TANC2: variants seen among roughly 807,000 people sequenced by gnomAD.
TANC2 encodes tetratricopeptide repeat, ankyrin repeat and coiled-coil containing 2.
In TANC2, 26 loss-of-function variants were observed where a neutral mutation model predicts 210.5. That is an observed-to-expected ratio of 0.12 (90% CI 0.09 to 0.17). TANC2 has a LOEUF of 0.17. TANC2 is among the 10% of genes least tolerant of loss of function. The probability of loss-of-function intolerance (pLI) is 1.00; values close to 1 mark genes in which losing one functional copy is unlikely to be tolerated. For missense variants in TANC2, 2,129 were observed against 2,608.9 expected (o/e 0.82, Z 4.01); for synonymous variants, 931 against 967.1 (o/e 0.96, Z 0.69).
chr17:63,377,734 C>A (rs1309895650), intron 14 of TANC2, among the ~76,000 whole-genome samples: 2 of 152,168 alleles, frequency 1.3e-5, no homozygotes, highest in Non-Finnish European at 2.9e-5. Context: ...CTACTCTCTG[C>A]AGTACCAACT....
intron 12 of TANC2, among the ~76,000 whole-genome samples, chr17:63,344,771 AC>A (rs1213005681): frequency 6.6e-6 from 1 of 152,212 alleles, no homozygotes; most frequent in Admixed American, 6.5e-5. Flanking sequence ...CATTACTTCC[AC>A]TAATAGTTCA....
At position 62,999,814 on chromosome 17, in the gene TANC2, T is replaced by C. The variant is rs75564027; in HGVS notation, c.-23-9723T>C. Among the ~76,000 whole-genome samples the C allele has an allele frequency of 9.6e-3, 1,467 of 152,312 alleles. 9 individuals are homozygous for C. The highest frequency in any genetic ancestry group is 0.014 in the Non-Finnish European group (946 of 68,024). On this transcript the variant is annotated intron_variant, in intron 1 of 27. Coordinates refer to ENST00000689528, the Ensembl canonical transcript of TANC2. ...ATGTTCATCATAGCTCTGTTCACAA[T>C]AGCAACATCATGAAATCAACCTAAA...
At chr17:63,152,439 G>A (rs1396850909) in intron 5 of TANC2, 1 of 152,066 alleles carries the variant, frequency 6.6e-6, no homozygotes, top group African/African-American at 2.4e-5. Flanking sequence ...TTTGAATACT[G>A]AAAGACCTTG....
chr17:63,151,995 G>A (rs975649802), intron 5 of TANC2: 3 of 152,148 alleles, frequency 2.0e-5, no homozygotes, highest in African/African-American at 7.2e-5. Flanking sequence ...GAGCCAAACT[G>A]AGAAAGACTC....
intron 7 of TANC2, among the ~76,000 whole-genome samples, chr17:63,234,104 CTAA>C (rs2042553916): frequency 6.6e-6 from 1 of 152,310 alleles, no homozygotes; most frequent in African/African-American, 2.4e-5. Context: ...TTCTCAAGAG[CTAA>C]TAGTTCAGTA....
At chr17:63,060,449 C>T (rs1057166473) in intron 2 of TANC2, among the ~76,000 whole-genome samples, 1 of 152,120 alleles carries the variant, frequency 6.6e-6, no homozygotes, top group South Asian at 2.1e-4. Flanking sequence ...GGTGAAACCC[C>T]GTCTATACCA....
At chr17:63,368,059 A>G (rs187634528) in intron 14 of TANC2, among the ~76,000 whole-genome samples, 1 of 152,306 alleles carries the variant, frequency 6.6e-6, no homozygotes, top group East Asian at 1.9e-4. Flanking sequence ...CTATAACAGG[A>G]GAATAGAGAG....
chr17:63,365,099 C>G (rs948265065), intron 14 of TANC2, among the ~76,000 whole-genome samples: 2 of 152,150 alleles, frequency 1.3e-5, no homozygotes, highest in African/African-American at 4.8e-5. Flanking sequence ...ACAAGTTTTC[C>G]TAGGTTGTCA....
intron 18 of TANC2, chr17:63,396,774 C>T (rs2048175522): frequency 4.0e-5 from 6 of 151,868 alleles, no homozygotes; most frequent in Admixed American, 3.3e-4. Context: ...ACATTGAGTA[C>T]CTATGGACAT....
chr17:63,090,145 C>T (rs1472351003), intron 3 of TANC2, among the ~76,000 whole-genome samples: 1 of 151,900 alleles, frequency 6.6e-6, no homozygotes, highest in Non-Finnish European at 1.5e-5. Context: ...ATAGTATTTC[C>T]CAGAATATTC....
intron 2 of TANC2, among the ~76,000 whole-genome samples, chr17:63,045,865 T>C (rs1439942250): frequency 6.6e-6 from 1 of 152,124 alleles, no homozygotes; most frequent in Non-Finnish European, 1.5e-5. Flanking sequence ...GGTCTTGAAC[T>C]CCTGGGCTCA....
intron 4 of TANC2, among the ~76,000 whole-genome samples, chr17:63,105,338 A>G (rs2037785492): frequency 6.6e-6 from 1 of 151,788 alleles, no homozygotes; most frequent in Admixed American, 6.6e-5. Context: ...GATGCTAGCT[A>G]TGGCCAAAGC....
chr17:63,090,405 T>C (rs2037141056), intron 3 of TANC2, among the ~76,000 whole-genome samples: 1 of 152,022 alleles, frequency 6.6e-6, no homozygotes, highest in Admixed American at 6.6e-5. Context: ...ATGTTCCCCT[T>C]CCTGTGTCCA....
chr17:63,321,326 A>G (rs1005665240), intron 11 of TANC2, among the ~76,000 whole-genome samples: 4 of 151,992 alleles, frequency 2.6e-5, no homozygotes, highest in South Asian at 2.1e-4. Context: ...TTACTTTCCA[A>G]TCCTTTTACA....
chr17:63,064,489 T>C (rs541016788), intron 2 of TANC2, among the ~76,000 whole-genome samples: 1 of 152,180 alleles, frequency 6.6e-6, no homozygotes, highest in South Asian at 2.1e-4. Flanking sequence ...AAACAAACAA[T>C]TATACAGTCA....
intron 12 of TANC2, among the ~76,000 whole-genome samples, chr17:63,341,859 C>T (rs1401847783): frequency 6.6e-6 from 1 of 152,216 alleles, no homozygotes; most frequent in Non-Finnish European, 1.5e-5. Flanking sequence ...ATTCAAGATG[C>T]TTGATGGCCA....
intron 2 of TANC2, among the ~76,000 whole-genome samples, chr17:63,013,959 T>C (rs893240232): frequency 6.6e-6 from 1 of 152,024 alleles, no homozygotes; most frequent in Non-Finnish European, 1.5e-5. Context: ...CATACGCATA[T>C]CATCTCTGAC....
chr17:63,249,396 T>G (rs2042997158), intron 8 of TANC2, among the ~76,000 whole-genome samples: 1 of 152,120 alleles, frequency 6.6e-6, no homozygotes, highest in Non-Finnish European at 1.5e-5. Flanking sequence ...TGGCAGAAAT[T>G]ATCAGAGTAG....
At chr17:63,119,521 CA>C (rs2038380811) in intron 4 of TANC2, among the ~76,000 whole-genome samples, 1 of 152,142 alleles carries the variant, frequency 6.6e-6, no homozygotes, top group African/African-American at 2.4e-5. Flanking sequence ...TTGCTTCCGT[CA>C]TCTATAACGG....
Sources: allele counts gnomAD v4.1 joint callset (sites outside exome capture counted in the v4.1 genomes callset), GRCh38; gene constraint gnomAD v4.1.1; transcripts MANE v1.5; gene names NCBI Gene and HGNC (gene_info 2026-07-23, HGNC 2026-07-21).